CA10: variants seen among roughly 807,000 people sequenced by gnomAD.
The protein encoded by CA10 is carbonic anhydrase-related protein 10.
In CA10, 14 loss-of-function variants were observed where a neutral mutation model predicts 44.2. The ratio of observed to expected loss-of-function variants is 0.32; its 90% CI spans 0.21 to 0.50. The LOEUF is 0.50. Among genes scored for constraint, CA10 ranks in the 20% least tolerant of loss-of-function variants. CA10 has a pLI of 0.99. For missense variants in CA10, 350 were observed against 409.7 expected, an observed-to-expected ratio of 0.85 and a Z score of 1.26; for synonymous variants, 159 against 141.6, an observed-to-expected ratio of 1.12 and a Z score of -0.87.
intron 2 of CA10, among the ~76,000 whole-genome samples, chr17:51,973,553 G>A (rs1984357352): frequency 6.6e-6 from 1 of 152,164 alleles, no homozygotes; most frequent in African/African-American, 2.4e-5. Flanking sequence ...ATAATATGGG[G>A]AAATACTGTA....
At chr17:51,906,403 A>G (rs1400306634) in intron 3 of CA10, among the ~76,000 whole-genome samples, 1 of 151,878 alleles carries the variant, frequency 6.6e-6, no homozygotes, top group Non-Finnish European at 1.5e-5. Context: ...ATGGCACCAC[A>G]CTTTCTGGAT....
chr17:51,993,319 C>T lies in CA10; in HGVS notation c.137-62187G>A, dbSNP rs1040727027. 3.3e-5 allele frequency among the ~76,000 whole-genome samples: 5 copies of T among 152,092 alleles called. No homozygotes were observed. In the South Asian group the frequency reaches 6.2e-4, roughly 19 times the overall value. ...ATATTTCACTCCCCACTACAGAATT[C>T]GCTCTGCTGGATTAACATCTACTGT... On this transcript the variant is annotated intron_variant, in intron 2 of 8. Coordinates refer to ENST00000451037, the MANE Select transcript of CA10 (RefSeq NM_020178.5).
intron 1 of CA10, among the ~76,000 whole-genome samples, chr17:52,076,407 A>C (rs527508567): frequency 6.6e-6 from 1 of 152,324 alleles, no homozygotes; most frequent in African/African-American, 2.4e-5. Context: ...AGCAGGTAAT[A>C]AGACAATCAG....
At chr17:51,906,670 G>A (rs1000334127) in intron 3 of CA10, among the ~76,000 whole-genome samples, 1 of 151,982 alleles carries the variant, frequency 6.6e-6, no homozygotes. Flanking sequence ...ATTTCTATTT[G>A]CATGTTTAAA....
rs1912532526 is a variant in CA10, at chr17:51,630,722, C to T, written c.*862G>A. 1 of 152,522 alleles carries T rather than the reference C, an allele frequency of 6.6e-6. No homozygotes were observed. Among genetic ancestry groups the T allele is most frequent in the African/African-American group, 2.4e-5 (1 of 41,450 alleles). 9.4% of individuals were successfully genotyped at this position (152,522 alleles called of 1,614,324 possible). A position where few individuals can be genotyped will look rare whatever the true frequency, so the allele number is the denominator to read the frequency against. On this transcript the variant is annotated 3_prime_UTR_variant, in exon 9 of 9. Transcript: ENST00000451037. ...ATCAAAGAATGCAGTTGCATGGAGCCAGGGCTTAGCCTGTAAGGAAGGAGA... is the reference window on the plus strand; with the variant it reads ...ATCAAAGAATGCAGTTGCATGGAGCTAGGGCTTAGCCTGTAAGGAAGGAGA...
At chr17:52,065,979 TCTC>T (rs1987525492) in intron 2 of CA10, among the ~76,000 whole-genome samples, 1 of 152,208 alleles carries the variant, frequency 6.6e-6, no homozygotes, top group African/African-American at 2.4e-5. Flanking sequence ...ACTCAGCTCT[TCTC>T]CTTCCTGCTG....
At chr17:51,810,156 C>T (rs1189705515) in intron 3 of CA10, among the ~76,000 whole-genome samples, 1 of 152,108 alleles carries the variant, frequency 6.6e-6, no homozygotes, top group African/African-American at 2.4e-5. Flanking sequence ...GAATATTGAT[C>T]AACATTGGTT....
chr17:51,838,253 G>A (rs1292757949), intron 3 of CA10, among the ~76,000 whole-genome samples: 4 of 152,140 alleles, frequency 2.6e-5, no homozygotes, highest in African/African-American at 9.7e-5. Context: ...CTGAATTTAG[G>A]GCATTTCTAC....
intron 3 of CA10, among the ~76,000 whole-genome samples, chr17:51,792,291 C>T (rs2073631111): frequency 6.6e-6 from 1 of 152,182 alleles, no homozygotes; most frequent in Non-Finnish European, 1.5e-5. Context: ...GTTGCTTCTC[C>T]ATCTCCATCT....
At chr17:51,669,049 C>A (rs1259216206) in intron 4 of CA10, among the ~76,000 whole-genome samples, 1 of 152,180 alleles carries the variant, frequency 6.6e-6, no homozygotes, top group African/African-American at 2.4e-5. Flanking sequence ...TGCCCAAGAC[C>A]CTGCAACCTC....
At chr17:51,818,611 G>A (rs1000206158) in intron 3 of CA10, among the ~76,000 whole-genome samples, 14 of 152,158 alleles carry the variant, frequency 9.2e-5, no homozygotes, top group African/African-American at 3.1e-4. Context: ...ACTCCTGAAG[G>A]AGGGATCGCT....
At chr17:51,865,587 C>A (rs1039667374) in intron 3 of CA10, among the ~76,000 whole-genome samples, 15 of 152,212 alleles carry the variant, frequency 9.9e-5, no homozygotes, top group African/African-American at 3.6e-4. Flanking sequence ...AATATGCAGT[C>A]AAAACCAGAC....
chr17:52,044,549 C>G (rs1986856908), intron 2 of CA10, among the ~76,000 whole-genome samples: 1 of 152,002 alleles, frequency 6.6e-6, no homozygotes, highest in South Asian at 2.1e-4. Context: ...AGCCCTCCAC[C>G]CACCTCGGCC....
At chr17:52,047,178 A>G (rs948512827) in intron 2 of CA10, among the ~76,000 whole-genome samples, 5 of 152,012 alleles carry the variant, frequency 3.3e-5, no homozygotes, top group Admixed American at 2.0e-4. Flanking sequence ...ACATGGATGA[A>G]CTTTAAAAGC....
chr17:52,153,875 A>T (rs888257251), intron 1 of CA10, among the ~76,000 whole-genome samples: 1 of 152,214 alleles, frequency 6.6e-6, no homozygotes, highest in Admixed American at 6.5e-5. Flanking sequence ...TTGATAGAAC[A>T]AACATGTGAC....
chr17:52,058,305 A>G (rs1320365912), intron 2 of CA10, among the ~76,000 whole-genome samples: 1 of 152,156 alleles, frequency 6.6e-6, no homozygotes, highest in Non-Finnish European at 1.5e-5. Context: ...ATCTTTGTAT[A>G]CTTTCATAGT....
intron 4 of CA10, among the ~76,000 whole-genome samples, chr17:51,668,875 G>A (rs555686645): frequency 2.6e-4 from 40 of 152,336 alleles, no homozygotes; most frequent in Admixed American, 4.6e-4. Flanking sequence ...GCGGCCGGCC[G>A]GCATCACAGG....
chr17:52,136,664 G>A (rs750931096), intron 1 of CA10, among the ~76,000 whole-genome samples: 2 of 152,120 alleles, frequency 1.3e-5, no homozygotes, highest in Non-Finnish European at 2.9e-5. Flanking sequence ...TAGAAATAGG[G>A]TCCTGGAGAG....
chr17:51,871,034 C>A (rs1979780417), intron 3 of CA10, among the ~76,000 whole-genome samples: 1 of 141,872 alleles, frequency 7.0e-6, no homozygotes, highest in East Asian at 2.0e-4. Context: ...TCCTTCTTTA[C>A]TTTCTTCCCA....
Sources: gnomAD v4.1 joint callset for allele counts (sites outside exome capture counted in the v4.1 genomes callset) on GRCh38, gnomAD v4.1.1 for gene constraint, MANE v1.5 for transcripts, NCBI Gene and HGNC (gene_info 2026-07-23, HGNC 2026-07-21) for gene names.